Variants in GRIK2 observed in about 807,000 individuals in gnomAD.
GRIK2 encodes the protein glutamate receptor ionotropic, kainate 2.
In GRIK2, 32 loss-of-function variants were observed where a neutral mutation model predicts 100.3. That is an observed-to-expected ratio of 0.32 (90% CI 0.24 to 0.43). The LOEUF (loss-of-function observed/expected upper bound fraction) is 0.43, where lower values mean the gene tolerates loss of function less well. Among genes scored for constraint, GRIK2 ranks in the 20% least tolerant of loss-of-function variants. The pLI is 1.00. For synonymous variants in GRIK2, 417 were observed against 389.4 expected (o/e 1.07, Z -0.83); for missense variants, 843 against 1,114.9 (o/e 0.76, Z 3.47).
At chr6:101,755,222 A>G (rs1777059122) in intron 7 of GRIK2, among the ~76,000 whole-genome samples, 2 of 124,978 alleles carry the variant, frequency 1.6e-5, no homozygotes, top group South Asian at 5.0e-4. Flanking sequence ...TCTGGAGTGC[A>G]GTGGCACGAT....
chr6:101,586,874 A>C (rs1778388655), intron 2 of GRIK2, among the ~76,000 whole-genome samples: 1 of 138,534 alleles, frequency 7.2e-6, no homozygotes, highest in Non-Finnish European at 1.5e-5. Flanking sequence ...TGGGCAAAAG[A>C]GCAAGTCTCT....
intron 7 of GRIK2, among the ~76,000 whole-genome samples, chr6:101,689,934 A>G (rs1318215694): frequency 6.6e-6 from 1 of 152,146 alleles, no homozygotes; most frequent in Non-Finnish European, 1.5e-5. Flanking sequence ...GCAAAATCAG[A>G]TAACATCTTC....
In GRIK2 at chr6:102,057,576, TAGAA is replaced by T. The variant is rs569221681; in HGVS notation, c.2562+2002_2562+2005del. On this transcript the variant is annotated intron_variant, in intron 16 of 16. Transcript: ENST00000369134. Reference sequence around the variant, plus strand: ...AAACAATGAAGCATTAACATTGCACTAGAAAGAAATAACTGAGTGGATATTACAT... The same window carrying T: ...AAACAATGAAGCATTAACATTGCACTAGAAATAACTGAGTGGATATTACAT... 2.0e-3 allele frequency among the ~76,000 whole-genome samples: 301 copies of T among 152,128 alleles called. 1 individual carries two copies. Among genetic ancestry groups the T allele is most frequent in the Non-Finnish European group, 3.8e-3 (258 of 67,944 alleles).
At chr6:102,053,899 T>C (rs954765) in intron 15 of GRIK2, among the ~76,000 whole-genome samples, 58,438 of 152,012 alleles carry the variant, frequency 0.38, 11,585 homozygotes, top group Middle Eastern at 0.47. Context: ...GTTGGGCTAA[T>C]ATATTGAAAT....
At chr6:101,537,460 G>A (rs901524534) in intron 2 of GRIK2, among the ~76,000 whole-genome samples, 2 of 150,798 alleles carry the variant, frequency 1.3e-5, no homozygotes, top group African/African-American at 4.9e-5. Context: ...GTGTGCGTGT[G>A]TGTGTGTGTG....
intron 2 of GRIK2, 21 bp from the exon 3 acceptor site, chr6:101,621,928 T>C: frequency 6.4e-7 from 1 of 1,552,348 alleles, no homozygotes; most frequent in Non-Finnish European, 8.9e-7. Context: ...AATTTATGAT[T>C]TTTCTCTTTC....
At chr6:101,954,522 A>G (rs1469192160) in intron 14 of GRIK2, among the ~76,000 whole-genome samples, 6 of 152,122 alleles carry the variant, frequency 3.9e-5, no homozygotes, top group Non-Finnish European at 7.4e-5. Flanking sequence ...TCAATTTTAT[A>G]TATAGAAATA....
At chr6:101,806,418 C>T (rs1025115105) in intron 9 of GRIK2, among the ~76,000 whole-genome samples, 1 of 152,016 alleles carries the variant, frequency 6.6e-6, no homozygotes, top group African/African-American at 2.4e-5. Context: ...GGAATTCCCA[C>T]AAGCCTCTCT....
Position 101,844,191 on chromosome 6 carries a change from G to T in GRIK2, c.1318-15096G>T, listed in dbSNP as rs1582363604. On this transcript the variant is annotated intron_variant, in intron 10 of 16. Transcript: ENST00000369134. ...AGAAAAAATGTAATAAAATATTTGA[G>T]AAATTAGATCTAAATTTACTTTTTA... Among the ~76,000 whole-genome samples, 4 of 152,232 alleles carry T rather than the reference G, an allele frequency of 2.6e-5. No individual in the cohort carries two copies. In the South Asian group the frequency reaches 8.3e-4, roughly 32 times the overall value.
rs1000393333 is a variant in GRIK2 at position 101,613,095 on chromosome 6, T to A, written c.116-8854T>A. Among the ~76,000 whole-genome samples the A allele has an allele frequency of 4.6e-5, 7 of 151,738 alleles. No individual in the cohort carries two copies. In the Admixed American group the frequency reaches 4.6e-4, roughly 10 times the overall value. On this transcript the variant is annotated intron_variant, in intron 2 of 16. Coordinates refer to ENST00000369134, the MANE Select transcript of GRIK2 (RefSeq NM_021956.5). The stretch of plus-strand genomic sequence containing the variant: ...AATAGGTGCAAGTATCCATGAAAAA[T>A]CCAGTGGAGATGCATTGTTGTGGTG...
chr6:101,411,414 T>G (rs1176340375), intron 2 of GRIK2, among the ~76,000 whole-genome samples: 2 of 152,116 alleles, frequency 1.3e-5, no homozygotes, highest in Non-Finnish European at 2.9e-5. Context: ...TTCTATAGTT[T>G]AATATGTTAC....
chr6:101,546,120 G>C (rs1473091167), intron 2 of GRIK2, among the ~76,000 whole-genome samples: 1 of 152,078 alleles, frequency 6.6e-6, no homozygotes, highest in Non-Finnish European at 1.5e-5. Flanking sequence ...AAAGTGCCTG[G>C]ATTATTTCTG....
intron 7 of GRIK2, among the ~76,000 whole-genome samples, chr6:101,797,328 G>A (rs746666394): frequency 2.0e-5 from 3 of 151,858 alleles, no homozygotes; most frequent in Non-Finnish European, 2.9e-5. Context: ...TGTTTTTGTT[G>A]TTTATATAGT....
At chr6:101,864,094 G>A (rs918737263) in intron 11 of GRIK2, among the ~76,000 whole-genome samples, 2 of 146,124 alleles carry the variant, frequency 1.4e-5, no homozygotes, top group South Asian at 2.1e-4. Context: ...CCGAGATTGC[G>A]CCACTGCAGT....
chr6:101,719,440 T>C (rs189791145), intron 7 of GRIK2, among the ~76,000 whole-genome samples: 23 of 152,016 alleles, frequency 1.5e-4, no homozygotes, highest in African/African-American at 4.6e-4. Context: ...TGTCTCTGTA[T>C]GTCTTACACC....
At chr6:102,001,410 T>A (rs566332490) in intron 14 of GRIK2, among the ~76,000 whole-genome samples, 1 of 151,876 alleles carries the variant, frequency 6.6e-6, no homozygotes, top group Non-Finnish European at 1.5e-5. Flanking sequence ...CCTGTGTATA[T>A]GTGTTCTCAT....
chr6:101,644,134 T>C (rs1781410961), intron 4 of GRIK2, among the ~76,000 whole-genome samples: 1 of 151,810 alleles, frequency 6.6e-6, no homozygotes, highest in Non-Finnish European at 1.5e-5. Context: ...GATGTTTTGA[T>C]TCTCCAAATA....
chr6:101,992,123 G>T (rs747414332), intron 14 of GRIK2, among the ~76,000 whole-genome samples: 9 of 151,354 alleles, frequency 5.9e-5, no homozygotes, highest in African/African-American at 1.9e-4. Context: ...ATTTAATATT[G>T]TTAATATTTA....
Position 101,889,626 on chromosome 6 carries a change from G to A in GRIK2, c.1525-14G>A. 1 of 614,068 alleles carries A rather than the reference G, an allele frequency of 1.6e-6. No individual in the cohort carries two copies. The allele number at this position is 614,068 out of a possible 1,614,324, so 38.0% of individuals were successfully genotyped here. On this transcript the variant is annotated splice_polypyrimidine_tract_variant and intron_variant, in intron 11 of 16. Coordinates refer to ENST00000369134, the MANE Select transcript of GRIK2 (RefSeq NM_021956.5). ...CTTTCTTTTTTTTTTTTTTTTGTTT[G>A]TTTCTGTCTACAGAAAGCTGACCTT...
Sources: allele counts gnomAD v4.1 joint callset (sites outside exome capture counted in the v4.1 genomes callset), GRCh38; gene constraint gnomAD v4.1.1; transcripts MANE v1.5; gene names NCBI Gene and HGNC (gene_info 2026-07-23, HGNC 2026-07-21).